FBN2: variants seen among roughly 807,000 people sequenced by gnomAD.
FBN2 encodes the protein fibrillin 2.
A neutral mutation model predicts 355.6 loss-of-function variants in FBN2; 105 were observed. The observed-to-expected ratio is 0.30, with a 90% CI of 0.25 to 0.35. FBN2 has a LOEUF of 0.35. Among genes scored for constraint, FBN2 ranks in the 10% least tolerant of loss-of-function variants. FBN2 has a pLI of 1.00. For synonymous variants in FBN2, 1,350 were observed against 1,301.2 expected (o/e 1.04, Z -0.81); for missense variants, 3,280 against 3,758.7 (o/e 0.87, Z 3.33).
At chr5:128,363,147 T>C (rs1751680832) in intron 18 of FBN2, among the ~76,000 whole-genome samples, 2 of 152,016 alleles carry the variant, frequency 1.3e-5, no homozygotes, top group Non-Finnish European at 2.9e-5. Context: ...CAATTTTCTT[T>C]CTCTCTTTCT....
At chr5:128,315,114 A>G (rs1219428993) in intron 36 of FBN2, among the ~76,000 whole-genome samples, 1 of 152,212 alleles carries the variant, frequency 6.6e-6, no homozygotes, top group African/African-American at 2.4e-5. Flanking sequence ...TCATTTACCA[A>G]CTACATCCAA....
intron 18 of FBN2, among the ~76,000 whole-genome samples, chr5:128,362,194 C>G (rs1751655591): frequency 6.6e-6 from 1 of 152,130 alleles, no homozygotes; most frequent in Non-Finnish European, 1.5e-5. Flanking sequence ...AATTCATTTG[C>G]CTGTATACTT....
intron 48 of FBN2, among the ~76,000 whole-genome samples, chr5:128,294,473 A>G (rs868805740): frequency 6.6e-6 from 1 of 151,778 alleles, no homozygotes; most frequent in East Asian, 1.9e-4. Context: ...AAGTGTTCCT[A>G]TTTCTCCACA....
intron 11 of FBN2, among the ~76,000 whole-genome samples, chr5:128,386,384 CCT>C (rs1362053723): frequency 2.0e-5 from 3 of 151,864 alleles, no homozygotes; most frequent in African/African-American, 7.3e-5. Flanking sequence ...GGTCTATATC[CCT>C]GTTTTTGTAC....
At chr5:128,297,849 AT>A in intron 48 of FBN2, among the ~76,000 whole-genome samples, 1 of 151,488 alleles carries the variant, frequency 6.6e-6, no homozygotes, top group Admixed American at 6.6e-5. Context: ...TAAAGTTAAT[AT>A]TGTTATGTGT....
intron 4 of FBN2, among the ~76,000 whole-genome samples, chr5:128,526,639 CAA>C (rs1756570102): frequency 6.6e-6 from 1 of 152,106 alleles, no homozygotes; most frequent in Admixed American, 6.6e-5. Context: ...CACCCAAGGA[CAA>C]ATACTTCATG....
At chr5:128,290,961 A>C in intron 49 of FBN2, 77 bp from the exon 50 acceptor site, 1 of 1,403,424 alleles carries the variant, frequency 7.1e-7, no homozygotes, top group Non-Finnish European at 1.0e-6. Context: ...ATTGTAGAAC[A>C]CGGGATGCAG....
chr5:128,310,064 T>A lies in FBN2; in HGVS notation c.5119A>T (p.Thr1707Ser), dbSNP rs1749990667. 6 of 1,613,652 alleles carry A rather than the reference T, an allele frequency of 3.7e-6. No homozygotes were observed. Among genetic ancestry groups the A allele is most frequent in the Non-Finnish European group, 5.1e-6 (6 of 1,179,688 alleles). ...TAATTTCCCAGGGTGTTATAGCAGG[T>A]CCCAGGCCCACACACACCAGGATGT... ...FAHPGVCGPGTCYNTLGNYTC... is the reference protein window; with the variant it reads ...FAHPGVCGPGSCYNTLGNYTC... The change falls in exon 40 of 65, where the codon ACC (threonine) becomes TCC (serine). Residue 1707 changes from threonine to serine, a missense_variant. Thr to Ser is a moderately conservative substitution (Grantham distance 58). Around this residue, in one of 6 missense-constraint regions of FBN2, gnomAD observed 2,284 missense variants for 2,749.5 expected, o/e 0.83. Transcript: ENST00000262464.
At chr5:128,318,341 A>C in intron 35 of FBN2, 70 bp from the exon 36 acceptor site, 1 of 1,538,806 alleles carries the variant, frequency 6.5e-7, no homozygotes, top group Admixed American at 1.7e-5. Context: ...GTTCCAAAGA[A>C]TTTGGTGGAA....
At chr5:128,459,735 C>A (rs551061933) in intron 6 of FBN2, among the ~76,000 whole-genome samples, 59 of 152,278 alleles carry the variant, frequency 3.9e-4, no homozygotes, top group Non-Finnish European at 5.0e-4. Flanking sequence ...TCAATAGATG[C>A]AGAAAATACT....
At chr5:128,267,877 A>G (rs1765156890) in intron 62 of FBN2, among the ~76,000 whole-genome samples, 1 of 152,240 alleles carries the variant, frequency 6.6e-6, no homozygotes, top group African/African-American at 2.4e-5. Context: ...AGACACAGCT[A>G]AAGCACTGTT....
At chr5:128,468,883 A>T (rs1182525633) in intron 5 of FBN2, among the ~76,000 whole-genome samples, 3 of 152,216 alleles carry the variant, frequency 2.0e-5, no homozygotes, top group Non-Finnish European at 4.4e-5. Context: ...TTTTCATAAC[A>T]TGTTGAGATT....
chr5:128,391,854 A>G (rs915645764), intron 11 of FBN2, among the ~76,000 whole-genome samples, 164 bp downstream of exon 11: 2 of 152,144 alleles, frequency 1.3e-5, no homozygotes, highest in Admixed American at 1.3e-4. Context: ...CTAGCTCAGC[A>G]TAGGTTAAGG....
intron 31 of FBN2, among the ~76,000 whole-genome samples, chr5:128,333,975 GGACTC>G (rs1219211796): frequency 6.6e-6 from 1 of 151,696 alleles, no homozygotes; most frequent in Non-Finnish European, 1.5e-5. Flanking sequence ...GGGCTGGGTT[GGACTC>G]TTAAGTCTTC....
At chr5:128,430,856 AAATAAATAAAT>A (rs1753603334) in intron 7 of FBN2, among the ~76,000 whole-genome samples, 1 of 15,948 alleles carries the variant, frequency 6.3e-5, no homozygotes, top group Non-Finnish European at 1.0e-4. Flanking sequence ...TCTCAAAAAT[AAATAAATAAAT>A]AAATAAATAA....
chr5:128,307,975 TAGAA>T (rs2126841511), intron 41 of FBN2, among the ~76,000 whole-genome samples: 1 of 152,228 alleles, frequency 6.6e-6, no homozygotes, highest in East Asian at 1.9e-4. Flanking sequence ...TGAGAACAGA[TAGAA>T]AGACCACAGA....
chr5:128,532,727 C>T (rs947332968), intron 2 of FBN2, among the ~76,000 whole-genome samples: 5 of 152,338 alleles, frequency 3.3e-5, no homozygotes, highest in African/African-American at 7.2e-5. Flanking sequence ...CCATATATTA[C>T]TACTAGCATT....
intron 41 of FBN2, among the ~76,000 whole-genome samples, chr5:128,308,558 T>A (rs1749947669): frequency 6.6e-6 from 1 of 152,190 alleles, no homozygotes; most frequent in Admixed American, 6.5e-5. Flanking sequence ...GTATCTATAG[T>A]TATTAAAAGT....
intron 5 of FBN2, among the ~76,000 whole-genome samples, chr5:128,495,542 C>A (rs1011962442): frequency 1.3e-5 from 2 of 152,016 alleles, no homozygotes; most frequent in Non-Finnish European, 2.9e-5. Flanking sequence ...AGACAACTGT[C>A]AACAGCTGAC....
Sources: allele counts gnomAD v4.1 joint callset (sites outside exome capture counted in the v4.1 genomes callset), GRCh38; gene constraint gnomAD v4.1.1; regional missense constraint gnomAD v4.1.1; transcripts MANE v1.5; gene names NCBI Gene and HGNC (gene_info 2026-07-23, HGNC 2026-07-21).